CTNNA2: variants seen among roughly 807,000 people sequenced by gnomAD.
The protein encoded by CTNNA2 is catenin alpha-2.
CTNNA2 carries 42 observed loss-of-function variants against 101.0 expected under a neutral mutation model. The ratio of observed to expected loss-of-function variants is 0.42; its 90% CI spans 0.32 to 0.54. The LOEUF (loss-of-function observed/expected upper bound fraction) is 0.54, where lower values mean the gene tolerates loss of function less well. Ranked by LOEUF, CTNNA2 falls within the 20% of genes least tolerant of loss-of-function variation. The pLI, the probability that CTNNA2 is intolerant of heterozygous loss-of-function variation, is 0.14. For synonymous variants in CTNNA2, 450 were observed against 456.4 expected, an observed-to-expected ratio of 0.99 and a Z score of 0.18; for missense variants, 871 against 1,223.1, an observed-to-expected ratio of 0.71 and a Z score of 4.29.
chr2:80,288,258 G>T (rs551800195), intron 7 of CTNNA2: 1 of 152,294 alleles, frequency 6.6e-6, no homozygotes, highest in Non-Finnish European at 1.5e-5. Context: ...TTTGGGAAAT[G>T]ACGTGGATCA....
At chr2:79,325,657 G>A (rs1231043211) in intron 3 of CTNNA2, among the ~76,000 whole-genome samples, 1 of 152,180 alleles carries the variant, frequency 6.6e-6, no homozygotes, top group South Asian at 2.1e-4. Context: ...TCACTGTGGG[G>A]ACGGGGGATC....
At chr2:79,856,877 C>G (rs551224964) in intron 3 of CTNNA2, among the ~76,000 whole-genome samples, 59 of 152,314 alleles carry the variant, frequency 3.9e-4, no homozygotes, top group African/African-American at 1.3e-3. Flanking sequence ...ACTAAAACTG[C>G]ATTTACCCTA....
chr2:79,755,127 C>T (rs2105052358), intron 3 of CTNNA2, among the ~76,000 whole-genome samples: 1 of 152,000 alleles, frequency 6.6e-6, no homozygotes, highest in African/African-American at 2.4e-5. Context: ...GTAGTTCAAA[C>T]CAGCCTGGGC....
At chr2:80,154,905 T>C (rs575498191) in intron 7 of CTNNA2, among the ~76,000 whole-genome samples, 10 of 152,338 alleles carry the variant, frequency 6.6e-5, no homozygotes, top group African/African-American at 2.2e-4. Flanking sequence ...TACTGTATTA[T>C]GCACTAAAAC....
intron 2 of CTNNA2, among the ~76,000 whole-genome samples, chr2:79,661,871 A>G (rs987751126): frequency 9.2e-5 from 14 of 152,060 alleles, no homozygotes; most frequent in Non-Finnish European, 1.6e-4. Context: ...AAAAAGATAG[A>G]TCACATAATT....
At chr2:79,500,048 T>G (rs1671302887) in intron 4 of CTNNA2, among the ~76,000 whole-genome samples, 1 of 152,222 alleles carries the variant, frequency 6.6e-6, no homozygotes, top group South Asian at 2.1e-4. Context: ...ATGGAGGCCA[T>G]TCTTGTTTAC....
chr2:80,533,988 G>A (rs948215819), intron 9 of CTNNA2, among the ~76,000 whole-genome samples: 6 of 152,074 alleles, frequency 3.9e-5, no homozygotes, highest in Admixed American at 3.3e-4. Flanking sequence ...TATATATGAA[G>A]GGCATAGATT....
At chr2:79,563,712 G>A (rs1674935319) in intron 1 of CTNNA2, among the ~76,000 whole-genome samples, 1 of 152,060 alleles carries the variant, frequency 6.6e-6, no homozygotes, top group South Asian at 2.1e-4. Context: ...AAAATGTTTT[G>A]AATTGCATAC....
intron 7 of CTNNA2, among the ~76,000 whole-genome samples, chr2:80,199,772 A>G: frequency 6.6e-6 from 1 of 152,326 alleles, no homozygotes; most frequent in South Asian, 2.1e-4. Flanking sequence ...GTAAAGGGAG[A>G]TTAAATGTAC....
chr2:80,617,557 T>C (rs999098643), intron 17 of CTNNA2, among the ~76,000 whole-genome samples: 3 of 151,844 alleles, frequency 2.0e-5, no homozygotes, highest in Admixed American at 1.3e-4. Flanking sequence ...CATCTTTTTA[T>C]ATGCAAGACT....
chr2:80,005,410 A>G (rs1023537099), intron 7 of CTNNA2, among the ~76,000 whole-genome samples: 5 of 152,208 alleles, frequency 3.3e-5, no homozygotes, highest in Non-Finnish European at 7.3e-5. Flanking sequence ...ATGAGTTCCT[A>G]TCACAAAAGT....
chr2:79,237,101 C>G (rs1674567289), intron 2 of CTNNA2, among the ~76,000 whole-genome samples: 1 of 152,112 alleles, frequency 6.6e-6, no homozygotes, highest in Non-Finnish European at 1.5e-5. Context: ...GCAGCTACAG[C>G]CTTATGAAAT....
intron 7 of CTNNA2, among the ~76,000 whole-genome samples, chr2:80,007,435 A>G (rs1017676090): frequency 6.6e-6 from 1 of 152,080 alleles, no homozygotes; most frequent in Non-Finnish European, 1.5e-5. Context: ...TTTAAATCTG[A>G]TTAGTAGCAA....
chr2:80,257,211 GT>G (rs1269838833), intron 7 of CTNNA2, among the ~76,000 whole-genome samples: 4 of 151,548 alleles, frequency 2.6e-5, no homozygotes, highest in African/African-American at 9.7e-5. Context: ...TTTGAGCTAC[GT>G]GGTTATAATT....
At chr2:80,567,090 A>T (rs1166211652) in intron 12 of CTNNA2, among the ~76,000 whole-genome samples, 1 of 152,212 alleles carries the variant, frequency 6.6e-6, no homozygotes, top group Non-Finnish European at 1.5e-5. Context: ...CTATTTGCGA[A>T]GTAGACGTAT....
chr2:79,546,033 A>G (rs1673711167), intron 1 of CTNNA2, among the ~76,000 whole-genome samples: 1 of 152,174 alleles, frequency 6.6e-6, no homozygotes, highest in Non-Finnish European at 1.5e-5. Context: ...TTGCCCAGCT[A>G]GTTGGGGAAG....
At chr2:79,642,393 A>G (rs1680507643) in intron 1 of CTNNA2, among the ~76,000 whole-genome samples, 2 of 152,314 alleles carry the variant, frequency 1.3e-5, no homozygotes, top group East Asian at 3.9e-4. Flanking sequence ...GCAATTTTGA[A>G]TAAAAGGGGT....
At chr2:79,903,852 C>T (rs1574273842) in intron 6 of CTNNA2, among the ~76,000 whole-genome samples, 1 of 152,080 alleles carries the variant, frequency 6.6e-6, no homozygotes, top group African/African-American at 2.4e-5. Context: ...GATTGACTGG[C>T]GCTGCCTGGG....
intron 4 of CTNNA2, among the ~76,000 whole-genome samples, chr2:79,427,100 G>A (rs930383611): frequency 6.6e-6 from 1 of 151,838 alleles, no homozygotes; most frequent in Non-Finnish European, 1.5e-5. Flanking sequence ...ATGAAATGAA[G>A]ATATAGATAA....
Sources: gnomAD v4.1 joint callset for allele counts (sites outside exome capture counted in the v4.1 genomes callset) on GRCh38, gnomAD v4.1.1 for gene constraint, MANE v1.5 for transcripts, NCBI Gene and HGNC (gene_info 2026-07-23, HGNC 2026-07-21) for gene names.